RBFOX1: variants seen among roughly 807,000 people sequenced by gnomAD.
RBFOX1 encodes the protein RNA binding fox-1 homolog 1, also known as RNA binding protein fox-1 homolog 1.
In RBFOX1, 8 loss-of-function variants were observed where a neutral mutation model predicts 57.7. The observed-to-expected ratio is 0.14, with a 90% CI of 0.08 to 0.25. The LOEUF is 0.25. Ranked by LOEUF, RBFOX1 falls within the 10% of genes least tolerant of loss-of-function variation. RBFOX1 has a pLI of 1.00. For missense variants in RBFOX1, 611 were observed against 548.5 expected, an observed-to-expected ratio of 1.11 and a Z score of -1.14; for synonymous variants, 326 against 222.4, an observed-to-expected ratio of 1.47 and a Z score of -4.15.
rs558371450 is a variant in RBFOX1, at chr16:7,162,818, C to T, written c.27+110720C>T. 4.6e-5 allele frequency among the ~76,000 whole-genome samples: 7 copies of T among 152,262 alleles called. No individual in the cohort carries two copies. The South Asian group carries it at 1.2e-3, about 27-fold the overall frequency. On this transcript the variant is annotated intron_variant, in intron 4 of 15. Coordinates refer to ENST00000550418, the MANE Select transcript of RBFOX1 (RefSeq NM_018723.4). The stretch of plus-strand genomic sequence containing the variant: ...CTCCTCCTCCTCTTTCTCCTTCTTC[C>T]TCATCTTTTGTTGTTAAAGAATTAT...
intron 2 of RBFOX1, among the ~76,000 whole-genome samples, chr16:5,528,813 C>G (rs1344021563): frequency 1.3e-5 from 2 of 151,956 alleles, no homozygotes; most frequent in African/African-American, 4.8e-5. Flanking sequence ...CCATGCTTGG[C>G]TAATTTTTGT....
At position 6,923,079 on chromosome 16, in the gene RBFOX1, T is replaced by C. The variant is rs1437185507; in HGVS notation, c.-15-128978T>C. 2.0e-5 allele frequency among the ~76,000 whole-genome samples: 3 copies of C among 152,292 alleles called. No homozygotes were observed. In the East Asian group the frequency reaches 5.8e-4, roughly 29 times the overall value. On this transcript the variant is annotated intron_variant, in intron 3 of 15. Coordinates refer to ENST00000550418, the MANE Select transcript of RBFOX1 (RefSeq NM_018723.4). ...TTTATACAAGAGCTGTTATTACCCC[T>C]AAGCCCAGAAGGCAATGAGAGAAAG...
chr16:5,503,691 G>T (rs533018649), intron 2 of RBFOX1, among the ~76,000 whole-genome samples: 21 of 152,226 alleles, frequency 1.4e-4, no homozygotes, highest in African/African-American at 5.1e-4. Context: ...TGATCCATCT[G>T]CCTCGGCCTC....
rs182138673 is a variant in RBFOX1, at chr16:7,333,821, G to A, written c.28-184326G>A. Among the ~76,000 whole-genome samples, 245 of 151,934 alleles carry A rather than the reference G, an allele frequency of 1.6e-3. 2 individuals carry two copies. Among genetic ancestry groups the A allele is most frequent in the African/African-American group, 5.3e-3 (221 of 41,450 alleles). On this transcript the variant is annotated intron_variant, in intron 4 of 15. Coordinates refer to ENST00000550418, the MANE Select transcript of RBFOX1 (RefSeq NM_018723.4). Reference sequence around the variant, plus strand: ...TCTTTGCAAGCAGGTATTGCCTTCCGCGTTTATGTCTGAAGTTCTCCGTTG... The same window carrying A: ...TCTTTGCAAGCAGGTATTGCCTTCCACGTTTATGTCTGAAGTTCTCCGTTG...
At chr16:6,082,347 A>ATTTTTTTTTTTTTTTTTTTTT (rs71142677) in intron 1 of RBFOX1, among the ~76,000 whole-genome samples, 2 of 41,040 alleles carry the variant, frequency 4.9e-5, no homozygotes, top group Admixed American at 4.6e-4. Context: ...CACCTGGCTA[A>ATTTTTTTTTTTTTTTTTTTTT]TTTTTTTTTT....
chr16:6,859,121 A>ATATATATATGTATATATATATATG (rs1567591775), intron 3 of RBFOX1, among the ~76,000 whole-genome samples: 1 of 64,574 alleles, frequency 1.5e-5, no homozygotes, highest in East Asian at 5.5e-4. Context: ...GTATATATAT[A>ATATATATATGTATATATATATATG]TATATATACA....
intron 4 of RBFOX1, among the ~76,000 whole-genome samples, chr16:5,909,979 G>C (rs2058568434): frequency 6.6e-6 from 1 of 152,032 alleles, no homozygotes; most frequent in South Asian, 2.1e-4. Context: ...CTTGAACCTG[G>C]GAGGCGGAGG....
chr16:5,999,884 A>T (rs2060561009), intron 4 of RBFOX1, among the ~76,000 whole-genome samples: 2 of 66,674 alleles, frequency 3.0e-5, no homozygotes, highest in East Asian at 5.1e-4. Context: ...AAAAAAAAAA[A>T]AAAAAAAAAA....
At chr16:7,219,603 C>T (rs987774614) in intron 4 of RBFOX1, among the ~76,000 whole-genome samples, 1 of 152,158 alleles carries the variant, frequency 6.6e-6, no homozygotes, top group African/African-American at 2.4e-5. Flanking sequence ...GTAGAAAGAA[C>T]AAGCGTGGCG....
At chr16:5,686,445 G>C (rs1487055257) in intron 3 of RBFOX1, among the ~76,000 whole-genome samples, 1 of 152,170 alleles carries the variant, frequency 6.6e-6, no homozygotes, top group Non-Finnish European at 1.5e-5. Context: ...TATAGTCAGA[G>C]TCAAACCCAA....
At position 5,519,337 on chromosome 16, in the gene RBFOX1, C is replaced by T. The variant is rs368959554; in HGVS notation, c.258+52083C>T. On this transcript the variant is annotated intron_variant, in intron 2 of 2. Coordinates refer to the RBFOX1 transcript ENST00000585867. ...CAGTACTTTTACTATCCTGACTAAC[C>T]TTCTCTGAGATGGGGGATCTGTAAG... Among the ~76,000 whole-genome samples the T allele has an allele frequency of 9.9e-5, 15 of 152,276 alleles. No homozygotes were observed. In the East Asian group the frequency reaches 1.4e-3, roughly 14 times the overall value.
intron 1 of RBFOX1, among the ~76,000 whole-genome samples, chr16:5,367,428 C>G (rs539695581): frequency 1.4e-4 from 21 of 152,266 alleles, no homozygotes; most frequent in African/African-American, 5.1e-4. Flanking sequence ...GGAACTGTCT[C>G]TCCAAGCTGC....
At chr16:6,154,228 T>C (rs2096823259) in intron 1 of RBFOX1, among the ~76,000 whole-genome samples, 1 of 152,214 alleles carries the variant, frequency 6.6e-6, no homozygotes, top group South Asian at 2.1e-4. Context: ...ATTACTTGCC[T>C]TGCAAGGTTA....
intron 2 of RBFOX1, among the ~76,000 whole-genome samples, chr16:6,319,129 C>T (rs958873953): frequency 6.6e-6 from 1 of 152,098 alleles, no homozygotes; most frequent in Non-Finnish European, 1.5e-5. Flanking sequence ...GCTCCAGTCT[C>T]TTACAGGATT....
intron 3 of RBFOX1, among the ~76,000 whole-genome samples, chr16:5,818,102 A>G (rs1247120030): frequency 6.6e-6 from 1 of 152,190 alleles, no homozygotes; most frequent in South Asian, 2.1e-4. Context: ...CTTTATCCCC[A>G]TTCTGATCAC....
At chr16:7,521,538 A>C (rs2077511652) in intron 5 of RBFOX1, among the ~76,000 whole-genome samples, 1 of 152,230 alleles carries the variant, frequency 6.6e-6, no homozygotes, top group South Asian at 2.1e-4. Flanking sequence ...AATTGAATTT[A>C]AATAGCGTGT....
At chr16:6,790,430 C>T (rs779753278) in intron 3 of RBFOX1, among the ~76,000 whole-genome samples, 1 of 152,004 alleles carries the variant, frequency 6.6e-6, no homozygotes, top group African/African-American at 2.4e-5. Context: ...GGTGATCTAC[C>T]CACCTCGGCC....
intron 1 of RBFOX1, among the ~76,000 whole-genome samples, chr16:5,281,414 A>C (rs2151148565): frequency 6.6e-6 from 1 of 152,268 alleles, no homozygotes; most frequent in South Asian, 2.1e-4. Context: ...TGCTGGATGA[A>C]ATATTCTGAA....
chr16:5,322,266 G>A (rs898735176), intron 1 of RBFOX1, among the ~76,000 whole-genome samples: 24 of 152,142 alleles, frequency 1.6e-4, no homozygotes, highest in African/African-American at 4.8e-4. Flanking sequence ...TAAGCCCAAG[G>A]GTAGATGGCT....
Sources: allele counts gnomAD v4.1 joint callset (sites outside exome capture counted in the v4.1 genomes callset), GRCh38; gene constraint gnomAD v4.1.1; transcripts MANE v1.5; gene names NCBI Gene and HGNC (gene_info 2026-07-23, HGNC 2026-07-21).